SGCZ: variants seen among roughly 807,000 people sequenced by gnomAD.
SGCZ encodes the protein sarcoglycan zeta.
A neutral mutation model predicts 41.3 loss-of-function variants in SGCZ; 40 were observed. That is an observed-to-expected ratio of 0.97 (90% CI 0.75 to 1.26). The LOEUF is 1.26. SGCZ is among the 50% of genes most tolerant of loss of function. The pLI, the probability that SGCZ is intolerant of heterozygous loss-of-function variation, is 0.00. For missense variants in SGCZ, 552 were observed against 369.8 expected, an observed-to-expected ratio of 1.49 and a Z score of -4.04; for synonymous variants, 206 against 137.5, an observed-to-expected ratio of 1.50 and a Z score of -3.49.
At chr8:15,024,570 T>G (rs1235267552) in intron 1 of SGCZ, among the ~76,000 whole-genome samples, 2 of 152,112 alleles carry the variant, frequency 1.3e-5, no homozygotes, top group Non-Finnish European at 2.9e-5. Flanking sequence ...TGATCAATGC[T>G]GCAGATAAAA....
chr8:14,937,438 T>G (rs1487662227), intron 1 of SGCZ, among the ~76,000 whole-genome samples: 1 of 152,022 alleles, frequency 6.6e-6, no homozygotes, highest in Non-Finnish European at 1.5e-5. Context: ...TTAGCAAACA[T>G]TCAAGCCTCA....
At chr8:14,159,649 G>A (rs1029709005) in intron 5 of SGCZ, among the ~76,000 whole-genome samples, 6 of 152,122 alleles carry the variant, frequency 3.9e-5, no homozygotes, top group African/African-American at 1.2e-4. Context: ...GTGATTGCAC[G>A]TTCCTTTTCT....
chr8:14,516,158 A>C (rs1802614340), intron 2 of SGCZ, among the ~76,000 whole-genome samples: 1 of 150,200 alleles, frequency 6.7e-6, no homozygotes, highest in Admixed American at 6.7e-5. Context: ...TAAACATTTT[A>C]CTTTAGGTTT....
intron 1 of SGCZ, among the ~76,000 whole-genome samples, chr8:15,108,118 T>C (rs1164768751): frequency 6.6e-6 from 1 of 152,202 alleles, no homozygotes; most frequent in Non-Finnish European, 1.5e-5. Flanking sequence ...TGTTTAATAA[T>C]TCACTATTAT....
At chr8:14,202,679 C>T (rs1184999285) in intron 4 of SGCZ, among the ~76,000 whole-genome samples, 1 of 151,878 alleles carries the variant, frequency 6.6e-6, no homozygotes, top group Non-Finnish European at 1.5e-5. Flanking sequence ...TTTAAAGATC[C>T]CTTGGTAATT....
intron 4 of SGCZ, among the ~76,000 whole-genome samples, chr8:14,188,567 C>T (rs573331670): frequency 1.2e-4 from 18 of 152,056 alleles, no homozygotes; most frequent in South Asian, 2.1e-4. Flanking sequence ...GTGCTGAGAG[C>T]GAAAGGGTTC....
In SGCZ at chr8:14,297,275, T is replaced by C. The variant is rs549886763; in HGVS notation, c.336+26828A>G. ...ATTTGAGGATATAGATATAGAAAGC[T>C]AAAAATTGAGAGAAATACAGATCTT... On this transcript the variant is annotated intron_variant, in intron 3 of 7. Transcript: ENST00000382080. Among the ~76,000 whole-genome samples, 186 of 151,962 alleles carry C rather than the reference T, an allele frequency of 1.2e-3. 1 individual carries two copies. The highest frequency in any genetic ancestry group is 4.4e-3 in the African/African-American group (182 of 41,434).
chr8:15,096,357 A>AGAT (rs1806346193), intron 1 of SGCZ, among the ~76,000 whole-genome samples: 1 of 152,014 alleles, frequency 6.6e-6, no homozygotes, highest in Non-Finnish European at 1.5e-5. Flanking sequence ...CAAAGTGCTG[A>AGAT]GATGATAGGA....
intron 1 of SGCZ, among the ~76,000 whole-genome samples, chr8:14,625,594 T>TTG (rs1563162274): frequency 1.5e-4 from 23 of 151,876 alleles, no homozygotes; most frequent in Admixed American, 3.9e-4. Context: ...TGTTGTTGTT[T>TTG]TTGTTTTGTT....
intron 2 of SGCZ, among the ~76,000 whole-genome samples, chr8:14,516,890 G>C (rs28635146): frequency 1.3e-5 from 2 of 151,986 alleles, no homozygotes; most frequent in African/African-American, 4.8e-5. Flanking sequence ...GAAACAACAA[G>C]CTGACACCAA....
At chr8:14,203,163 C>T (rs1292062815) in intron 4 of SGCZ, among the ~76,000 whole-genome samples, 2 of 152,056 alleles carry the variant, frequency 1.3e-5, no homozygotes, top group Non-Finnish European at 2.9e-5. Flanking sequence ...TTGCCCAGTC[C>T]CAGATATGTT....
intron 1 of SGCZ, among the ~76,000 whole-genome samples, chr8:14,960,717 G>C (rs1266535173): frequency 6.6e-6 from 1 of 151,972 alleles, no homozygotes; most frequent in Non-Finnish European, 1.5e-5. Flanking sequence ...CCACTTCTGA[G>C]CTGTGAAGAA....
chr8:15,087,953 C>T (rs1806009979), intron 1 of SGCZ, among the ~76,000 whole-genome samples: 2 of 151,682 alleles, frequency 1.3e-5, no homozygotes. Context: ...ATGTAAAATG[C>T]TATTTTTTAG....
chr8:14,649,033 G>C (rs1807314000), intron 1 of SGCZ, among the ~76,000 whole-genome samples: 1 of 152,046 alleles, frequency 6.6e-6, no homozygotes, highest in Admixed American at 6.6e-5. Flanking sequence ...GCTGCTGTTT[G>C]ATCATTTAAA....
At chr8:14,295,657 TG>T (rs1412915892) in intron 3 of SGCZ, among the ~76,000 whole-genome samples, 1 of 152,026 alleles carries the variant, frequency 6.6e-6, no homozygotes, top group East Asian at 1.9e-4. Flanking sequence ...AATACATAAA[TG>T]TGACATATTA....
chr8:14,666,193 G>A (rs1807904952), intron 1 of SGCZ, among the ~76,000 whole-genome samples: 1 of 152,178 alleles, frequency 6.6e-6, no homozygotes, highest in African/African-American at 2.4e-5. Flanking sequence ...TTGCATCCAA[G>A]TCTCATGAAG....
At chr8:14,911,527 A>G (rs1231093906) in intron 1 of SGCZ, among the ~76,000 whole-genome samples, 1 of 152,052 alleles carries the variant, frequency 6.6e-6, no homozygotes, top group African/African-American at 2.4e-5. Context: ...ACCAATCACT[A>G]GTTAATTTAA....
intron 1 of SGCZ, among the ~76,000 whole-genome samples, chr8:14,830,189 T>C (rs1802479217): frequency 6.6e-6 from 1 of 152,194 alleles, no homozygotes; most frequent in Non-Finnish European, 1.5e-5. Context: ...CTTTATTTAT[T>C]TGGTTATTTA....
rs144539435 is a variant in SGCZ at position 14,469,360 on chromosome 8, G to T, written c.234+85372C>A. On this transcript the variant is annotated intron_variant, in intron 2 of 7. Coordinates refer to ENST00000382080, the MANE Select transcript of SGCZ (RefSeq NM_139167.4). ...AATACAGCTTGCTCTGGAGATCTCA[G>T]TCTGGTCTACTTGTTGTCTCAAATC... Among the ~76,000 whole-genome samples the T allele has an allele frequency of 2.6e-5, 4 of 151,406 alleles. No homozygotes were observed. In the East Asian group the frequency reaches 7.7e-4, roughly 29 times the overall value.
Sources: gnomAD v4.1 joint callset for allele counts (sites outside exome capture counted in the v4.1 genomes callset) on GRCh38, gnomAD v4.1.1 for gene constraint, MANE v1.5 for transcripts, NCBI Gene and HGNC (gene_info 2026-07-23, HGNC 2026-07-21) for gene names.